FHAD1: variants seen among roughly 807,000 people sequenced by gnomAD.
FHAD1 encodes the protein forkhead-associated domain-containing protein 1.
Under a neutral mutation model 191.3 loss-of-function variants are expected in FHAD1, and 146 were observed. The observed-to-expected ratio is 0.76, with a 90% CI of 0.67 to 0.88. The LOEUF is 0.88. FHAD1 is among the 40% of genes least tolerant of loss of function. The pLI is 0.00. For synonymous variants in FHAD1, 616 were observed against 672.3 expected (o/e 0.92, Z 1.29); for missense variants, 1,635 against 1,785.8 (o/e 0.92, Z 1.52).
chr1:15,366,284 C>CAAAAAAAA (rs35252287), intron 24 of FHAD1, among the ~76,000 whole-genome samples: 5 of 44,452 alleles, frequency 1.1e-4, no homozygotes, highest in East Asian at 7.4e-4. Context: ...GACTCTGTCT[C>CAAAAAAAA]AAAAAAAAAA....
At chr1:15,391,185 T>C in intron 32 of FHAD1, 25 bp from the exon 33 acceptor site, 3 of 1,240,040 alleles carry the variant, frequency 2.4e-6, no homozygotes, top group Admixed American at 2.6e-5. Context: ...AGCTAGATTT[T>C]GTTCTTATTC....
At chr1:15,249,893 C>A (rs1352702177) in intron 1 of FHAD1, among the ~76,000 whole-genome samples, 3 of 152,168 alleles carry the variant, frequency 2.0e-5, no homozygotes, top group Non-Finnish European at 4.4e-5. Flanking sequence ...GGCAATCTCC[C>A]TGCCCGAATG....
In FHAD1 at chr1:15,327,405, G is replaced by T; in HGVS notation, c.1557+263G>T. The T allele has an allele frequency of 2.6e-6, 1 of 382,378 alleles. No homozygotes were observed. Among genetic ancestry groups the T allele is most frequent in the African/African-American group, 2.1e-5 (1 of 47,984 alleles). 23.7% of individuals were successfully genotyped at this position (382,378 alleles called of 1,614,324 possible). ...TTACTTCTGGTCTCCAGACATGCAT[G>T]TTTCGCCTCCATTAGCACTGGGAGA... On this transcript the variant is annotated intron_variant, in intron 12 of 33. Coordinates refer to ENST00000688493, the MANE Select transcript of FHAD1 (RefSeq NM_001391957.1). The surrounding 1 kb of genome is among the most constrained non-coding windows in gnomAD (Gnocchi z 5.1).
chr1:15,285,243 C>A (rs1662014608), intron 3 of FHAD1, among the ~76,000 whole-genome samples: 1 of 152,162 alleles, frequency 6.6e-6, no homozygotes, highest in South Asian at 2.1e-4. Context: ...TTTCAAAAAA[C>A]AAACAATGCC....
intron 1 of FHAD1, among the ~76,000 whole-genome samples, chr1:15,251,017 G>T (rs1646706056): frequency 6.6e-6 from 1 of 152,098 alleles, no homozygotes; most frequent in African/African-American, 2.4e-5. Context: ...TAGGCTGGGT[G>T]TGGTGGCTCC....
chr1:15,239,806 C>T (rs945982473), intron 1 of FHAD1, among the ~76,000 whole-genome samples: 3 of 152,160 alleles, frequency 2.0e-5, no homozygotes, highest in African/African-American at 7.2e-5. Context: ...GCATGTGCTG[C>T]GACTCAAGTA....
chr1:15,283,793 C>T (rs1487233999), intron 3 of FHAD1, among the ~76,000 whole-genome samples: 4 of 152,346 alleles, frequency 2.6e-5, no homozygotes, highest in South Asian at 2.1e-4. Context: ...ATCCTGTCCA[C>T]ACATCAATCC....
At position 15,397,586 on chromosome 1, in the gene FHAD1, G is replaced by A; in HGVS notation, c.*173G>A. 2.5e-6 allele frequency: 1 copy of A among 407,276 alleles called. No homozygotes were observed. Among genetic ancestry groups the A allele is most frequent in the African/African-American group, 2.0e-5 (1 of 49,472 alleles). The allele number at this position is 407,276 out of a possible 1,614,324, so 25.2% of individuals were successfully genotyped here. On this transcript the variant is annotated 3_prime_UTR_variant, in exon 34 of 34. Coordinates refer to ENST00000688493, the MANE Select transcript of FHAD1 (RefSeq NM_001391957.1). ...AATATTATATTTTGGAGACTGTGGG[G>A]AGAAGGGTTCTTCTTTAAAAATACC...
upstream of FHAD1, among the ~76,000 whole-genome samples, chr1:15,243,135 GA>G (rs1645587167): frequency 6.6e-6 from 1 of 152,236 alleles, no homozygotes; most frequent in African/African-American, 2.4e-5. Flanking sequence ...CAGCATGAAA[GA>G]GTCGACATGA....
rs188018306 is a variant in FHAD1, at chr1:15,383,024, G to A, written c.4188+831G>A. ...CCACCACACACACACACGCGCACGCGCACACACTCTGGTATCTCATCTGTA... is the reference window on the plus strand; with the variant it reads ...CCACCACACACACACACGCGCACGCACACACACTCTGGTATCTCATCTGTA... On this transcript the variant is annotated intron_variant, in intron 31 of 33. Transcript: ENST00000688493. 558 of 463,864 alleles carry A rather than the reference G, an allele frequency of 1.2e-3. 6 individuals carry two copies. Among genetic ancestry groups the A allele is most frequent in the African/African-American group, 0.01 (504 of 49,912 alleles). The allele number at this position is 463,864 out of a possible 1,614,324, so 28.7% of individuals were successfully genotyped here.
At position 15,372,164 on chromosome 1, in the gene FHAD1, G is replaced by A. The variant is rs140457304; in HGVS notation, c.3448-2338G>A. ...GTGGTCAGGTGATCAGGTGGTCAGG[G>A]AGGCCTGTGCTGGAGGAGACCTGGA... On this transcript the variant is annotated intron_variant, in intron 26 of 33. Transcript: ENST00000688493. Among the ~76,000 whole-genome samples, 667 of 151,922 alleles carry A rather than the reference G, an allele frequency of 4.4e-3. 3 individuals are homozygous for A. Among genetic ancestry groups the A allele is most frequent in the Non-Finnish European group, 5.6e-3 (382 of 67,948 alleles).
At chr1:15,333,438 T>C (rs1682562726) in intron 14 of FHAD1, among the ~76,000 whole-genome samples, 1 of 152,202 alleles carries the variant, frequency 6.6e-6, no homozygotes, top group Non-Finnish European at 1.5e-5. Flanking sequence ...ACTTATATTC[T>C]AGATACGGTT....
At chr1:15,324,739 C>T in intron 11 of FHAD1, 180 bp downstream of exon 11, 1 of 600,794 alleles carries the variant, frequency 1.7e-6, no homozygotes, top group Non-Finnish European at 3.0e-6. Context: ...CATCGCTTAA[C>T]AGGTTTCTGC....
intron 14 of FHAD1, among the ~76,000 whole-genome samples, chr1:15,330,274 C>T (rs1680672319): frequency 6.6e-6 from 1 of 152,178 alleles, no homozygotes; most frequent in Admixed American, 6.5e-5. Flanking sequence ...CATACCTGCT[C>T]ATATTATCTT....
Position 15,316,481 on chromosome 1 carries a change from C to G in FHAD1, c.1260+14C>G. Reference sequence around the variant, plus strand: ...CTCTGCAAAACCGTGAGTTGAGCTTCCTCCTTTGTAGGTACCACCAGAAAA... The same window carrying G: ...CTCTGCAAAACCGTGAGTTGAGCTTGCTCCTTTGTAGGTACCACCAGAAAA... On this transcript the variant is annotated intron_variant, in intron 9 of 33. Transcript: ENST00000688493. The surrounding 1 kb of genome is among the most constrained non-coding windows in gnomAD (Gnocchi z 4.3). 6.4e-7 allele frequency: 1 copy of G among 1,550,772 alleles called. No homozygotes were observed.
intron 16 of FHAD1, 143 bp from the exon 17 acceptor site, chr1:15,344,940 C>T (rs1456228227): frequency 1.5e-6 from 1 of 654,308 alleles, no homozygotes; most frequent in Non-Finnish European, 2.7e-6. Flanking sequence ...AGAGCACATG[C>T]TCTGAGCTCC....
intron 2 of FHAD1, among the ~76,000 whole-genome samples, chr1:15,271,804 C>T (rs939988864): frequency 6.6e-6 from 1 of 152,124 alleles, no homozygotes; most frequent in African/African-American, 2.4e-5. Context: ...TTATAAGTAA[C>T]GGTAATGGCT....
At chr1:15,394,979 G>A (rs143600926) in intron 33 of FHAD1, among the ~76,000 whole-genome samples, 234 of 151,486 alleles carry the variant, frequency 1.5e-3, no homozygotes, top group Middle Eastern at 6.8e-3. Context: ...GGGGCAGGGC[G>A]GGGGGCTTTT....
intron 1 of FHAD1, among the ~76,000 whole-genome samples, chr1:15,249,877 T>G (rs953230399): frequency 9.2e-5 from 14 of 152,098 alleles, no homozygotes; most frequent in Admixed American, 3.3e-4. Flanking sequence ...AGTGGTGACA[T>G]GCAATGGCAA....
Sources: allele counts gnomAD v4.1 joint callset (sites outside exome capture counted in the v4.1 genomes callset), GRCh38; gene constraint gnomAD v4.1.1; non-coding constraint Gnocchi (gnomAD v3.1); transcripts MANE v1.5; gene names NCBI Gene and HGNC (gene_info 2026-07-23, HGNC 2026-07-21).